Variants in UBE2Q2 observed in about 807,000 individuals in gnomAD.
UBE2Q2 encodes ubiquitin conjugating enzyme E2 Q2, also known as ubiquitin-conjugating enzyme E2 Q2.
In UBE2Q2, 54 loss-of-function variants were observed where a neutral mutation model predicts 59.9. The observed-to-expected ratio is 0.90, with a 90% confidence interval of 0.72 to 1.13. The LOEUF is 1.13. Among genes scored for constraint, UBE2Q2 ranks in the 50% most tolerant of loss-of-function variants. UBE2Q2 has a pLI of 0.00. For missense variants in UBE2Q2, 433 were observed against 441.9 expected (o/e 0.98, Z 0.18); for synonymous variants, 165 against 155.2 (o/e 1.06, Z -0.47).
intron 6 of UBE2Q2, among the ~76,000 whole-genome samples, chr15:75,877,142 C>G (rs180694421): frequency 7.8e-5 from 8 of 102,990 alleles, no homozygotes. Flanking sequence ...GCCTGGGCAG[C>G]AAGAGTGAGA....
At chr15:75,892,232 A>G (rs1899145394) in intron 11 of UBE2Q2, among the ~76,000 whole-genome samples, 1 of 152,206 alleles carries the variant, frequency 6.6e-6, no homozygotes. Context: ...GCAGACACAG[A>G]TACTTTTTGT....
At chr15:75,858,805 A>G (rs1290467382) in intron 2 of UBE2Q2, among the ~76,000 whole-genome samples, 1 of 152,188 alleles carries the variant, frequency 6.6e-6, no homozygotes, top group Non-Finnish European at 1.5e-5. Flanking sequence ...TGGATATCAA[A>G]TCCACACTGG....
chr15:75,876,146 A>G (rs1898066783), intron 5 of UBE2Q2, 41 bp from the exon 6 acceptor site: 3 of 1,580,096 alleles, frequency 1.9e-6, no homozygotes, highest in Non-Finnish European at 2.6e-6. Context: ...CTTAAATCTT[A>G]GCTCAGCAGA....
intron 1 of UBE2Q2, among the ~76,000 whole-genome samples, chr15:75,846,839 GT>G (rs1896377777): frequency 6.6e-6 from 1 of 152,046 alleles, no homozygotes; most frequent in Non-Finnish European, 1.5e-5. Context: ...TTTTACACAC[GT>G]GCATGCTAGT....
chr15:75,876,132 A>T, intron 5 of UBE2Q2, 55 bp from the exon 6 acceptor site: 2 of 1,536,960 alleles, frequency 1.3e-6, no homozygotes, highest in Non-Finnish European at 1.8e-6. Context: ...TCAGGTTGAA[A>T]TATCTTAAAT....
In UBE2Q2 at chr15:75,859,921, T is replaced by C. The variant is rs770354012; in HGVS notation, c.326T>C (p.Leu109Ser). The change falls in exon 3 of 13, where the codon TTA (leucine) becomes TCA (serine). Residue 109 changes from leucine to serine, a missense_variant. Leu to Ser is a moderately radical substitution (Grantham distance 145). Coordinates refer to ENST00000267938, the MANE Select transcript of UBE2Q2 (RefSeq NM_173469.4). Reference protein sequence around the residue: ...LKWLICELCSLYNLPKHLDVE... With the variant: ...LKWLICELCSSYNLPKHLDVE... The stretch of plus-strand genomic sequence containing the variant: ...TGGTTGATATGTGAACTCTGCAGTT[T>C]ATATAACCTTCCTAAGCACCTGGAT... 5.6e-6 allele frequency: 9 copies of C among 1,603,854 alleles called. No individual in the cohort carries two copies. The Admixed American group carries it at 1.4e-4, about 25-fold the overall frequency.
At chr15:75,847,923 G>A (rs1047507388) in intron 1 of UBE2Q2, among the ~76,000 whole-genome samples, 6 of 152,028 alleles carry the variant, frequency 3.9e-5, no homozygotes, top group African/African-American at 9.7e-5. Flanking sequence ...GCTTTTAGTG[G>A]GACTTTGTTT....
intron 2 of UBE2Q2, among the ~76,000 whole-genome samples, chr15:75,856,955 A>AT (rs1469208513): frequency 2.0e-5 from 3 of 151,878 alleles, no homozygotes; most frequent in Non-Finnish European, 4.4e-5. Flanking sequence ...AAAAAAAAAA[A>AT]GATATTTTAA....
chr15:75,857,350 A>G (rs1186873248), intron 2 of UBE2Q2, among the ~76,000 whole-genome samples: 1 of 152,222 alleles, frequency 6.6e-6, no homozygotes, highest in Non-Finnish European at 1.5e-5. Flanking sequence ...AAAATATTAC[A>G]TAAACATGTT....
intron 2 of UBE2Q2, among the ~76,000 whole-genome samples, chr15:75,856,910 T>C (rs570219551): frequency 1.3e-5 from 2 of 150,936 alleles, no homozygotes; most frequent in Non-Finnish European, 3.0e-5. Context: ...CACCGTACTC[T>C]AGCCTGGGCG....
Position 75,898,733 on chromosome 15 carries a change from G to A in UBE2Q2, c.1097-694G>A, listed in dbSNP as rs142903528. On this transcript the variant is annotated intron_variant, in intron 12 of 12. Transcript: ENST00000267938. ...GTCCAAGTTCCTTGTATTCTAAATC[G>A]CCAGGATTTTGTTTGGGGAAATAAG... Among the ~76,000 whole-genome samples the A allele has an allele frequency of 7.7e-3, 1,171 of 152,152 alleles. 9 individuals carry two copies. Among genetic ancestry groups the A allele is most frequent in the Non-Finnish European group, 0.012 (798 of 68,018 alleles).
At chr15:75,849,656 T>C (rs1037269466) in intron 1 of UBE2Q2, among the ~76,000 whole-genome samples, 6 of 152,216 alleles carry the variant, frequency 3.9e-5, no homozygotes, top group African/African-American at 1.4e-4. Context: ...TGTTTGAAAT[T>C]TGTCCACTTA....
chr15:75,890,617 T>C (rs1899045845), intron 10 of UBE2Q2, 134 bp downstream of exon 10: 1 of 803,048 alleles, frequency 1.2e-6, no homozygotes, highest in African/African-American at 1.8e-5. Flanking sequence ...GCGTCTACTT[T>C]CAAGAATGAA....
intron 3 of UBE2Q2, among the ~76,000 whole-genome samples, chr15:75,864,368 A>G (rs1203883492): frequency 6.6e-6 from 1 of 151,944 alleles, no homozygotes; most frequent in East Asian, 1.9e-4. Context: ...ACAACTGGTC[A>G]TGGTAGGGGT....
intron 11 of UBE2Q2, among the ~76,000 whole-genome samples, chr15:75,891,781 G>A (rs1374422754): frequency 6.6e-6 from 1 of 152,178 alleles, no homozygotes; most frequent in African/African-American, 2.4e-5. Context: ...ACATTAGTGA[G>A]ACAGCCTTCC....
intron 8 of UBE2Q2, among the ~76,000 whole-genome samples, chr15:75,879,538 C>T (rs1898280564): frequency 6.6e-6 from 1 of 152,078 alleles, no homozygotes; most frequent in Non-Finnish European, 1.5e-5. Flanking sequence ...TTGTACAATT[C>T]CCTTTATATA....
chr15:75,844,110 T>C (rs956197207), intron 1 of UBE2Q2: 4 of 1,412,050 alleles, frequency 2.8e-6, no homozygotes, highest in Non-Finnish European at 3.7e-6. Flanking sequence ...CCCCGTCTCC[T>C]AGCCCCGAGG....
intron 1 of UBE2Q2, among the ~76,000 whole-genome samples, chr15:75,847,488 A>G (rs935555870): frequency 1.3e-5 from 2 of 152,160 alleles, no homozygotes; most frequent in African/African-American, 4.8e-5. Flanking sequence ...TAATGAAGGG[A>G]AAAGAGTGCT....
chr15:75,887,237 C>T (rs965583985), intron 9 of UBE2Q2, among the ~76,000 whole-genome samples: 1 of 152,126 alleles, frequency 6.6e-6, no homozygotes, highest in African/African-American at 2.4e-5. Context: ...CAAATGCTAA[C>T]CATGGACTTA....
Sources: allele counts gnomAD v4.1 joint callset (sites outside exome capture counted in the v4.1 genomes callset), GRCh38; gene constraint gnomAD v4.1.1; transcripts MANE v1.5; gene names NCBI Gene and HGNC (gene_info 2026-07-23, HGNC 2026-07-21).